The following TTLL12 variants were observed in gnomAD, a reference collection of about 807,000 sequenced individuals.
TTLL12 encodes tubulin--tyrosine ligase-like protein 12.
TTLL12 carries 77 observed loss-of-function variants against 79.6 expected under a neutral mutation model. The ratio of observed to expected loss-of-function variants is 0.97; its 90% CI spans 0.81 to 1.17. The LOEUF (loss-of-function observed/expected upper bound fraction) is 1.17. Among genes scored for constraint, TTLL12 ranks in the 50% most tolerant of loss-of-function variants. The pLI is 0.00. For missense variants in TTLL12, 969 were observed against 895.9 expected, an observed-to-expected ratio of 1.08 and a Z score of -1.04; for synonymous variants, 437 against 376.1, an observed-to-expected ratio of 1.16 and a Z score of -1.87.
chr22:43,186,895 C>T lies in TTLL12; in HGVS notation c.175G>A (p.Glu59Lys). Residue 59 changes from glutamate (E) to lysine (K), a missense_variant and splice_region_variant, in exon 1 of 14, where the codon GAG becomes AAG. Glu to Lys is a moderately conservative substitution (Grantham distance 56). Coordinates refer to ENST00000216129, the MANE Select transcript of TTLL12 (RefSeq NM_015140.4). ...GTGCCCGCCGCCCTTCCCCGCACCT[C>T]GTGCTCCAGCTTGTGCAGGAGGCGG... ...WGRLLHKLEH[E>K]VFDAGEVFGI... 3 of 1,302,412 alleles carry T rather than the reference C, an allele frequency of 2.3e-6. No homozygotes were observed. The highest frequency in any genetic ancestry group is 2.1e-5 in the South Asian group (1 of 48,058). 80.7% of individuals were successfully genotyped at this position (1,302,412 alleles called of 1,614,324 possible). A position where few individuals can be genotyped will look rare whatever the true frequency, so the allele number is the denominator to read the frequency against.
Position 43,169,509 on chromosome 22 carries a change from C to T in TTLL12, c.1635G>A (p.Thr545=), listed in dbSNP as rs199507307. 4.4e-5 allele frequency: 71 copies of T among 1,599,964 alleles called. No individual in the cohort carries two copies. The Admixed American group carries it at 5.6e-4, about 13-fold the overall frequency. ...FEKQYPEFPW[T]DVQAEIFRAF... ...GCAGGACAGGAATTACCTGGACGTC[C>T]GTCCAGGGAAATTCTGGGTATTGCT... is the stretch of plus-strand genomic sequence containing the variant. Residue 545 remains threonine (T), a synonymous_variant, in exon 12 of 14, where the codon ACG becomes ACA. Coordinates refer to ENST00000216129, the MANE Select transcript of TTLL12 (RefSeq NM_015140.4).
Position 43,176,306 on chromosome 22 carries a change from G to GGT in TTLL12, c.917+13_917+14insAC. 6.4e-7 allele frequency: 1 copy of GGT among 1,573,578 alleles called. No homozygotes were observed. Among genetic ancestry groups the GGT allele is most frequent in the Non-Finnish European group, 8.7e-7 (1 of 1,155,846 alleles). ...GACAAGTCCCAGCCCAAGCAGTGGG[G>GGT]GGGGGCTACGCACTTGAAGATGTGG... On this transcript the variant is annotated intron_variant, in intron 6 of 13. Coordinates refer to ENST00000216129, the MANE Select transcript of TTLL12 (RefSeq NM_015140.4).
rs1449955578 is a variant in TTLL12 at position 43,173,771 on chromosome 22, T to C, written c.1285A>G (p.Thr429Ala). ...CTGTGCAGGCTCTTGGTGACGTGGG[T>C]GTCCAGGCTGCGCGCCAGGTTCCAG... is the stretch of plus-strand genomic sequence containing the variant. The part of the protein sequence containing the change: ...KPWNLARSLD[T>A]HVTKSLHSII... The change falls in exon 9 of 14, where the codon ACC becomes GCC. Residue 429 changes from threonine to alanine, a missense_variant. Transcript: ENST00000216129. 1.9e-6 allele frequency: 3 copies of C among 1,604,818 alleles called. No individual in the cohort carries two copies. The highest frequency in any genetic ancestry group is 1.7e-6 in the Non-Finnish European group (2 of 1,179,904).
chr22:43,184,611 C>G (rs1932135726), intron 1 of TTLL12, among the ~76,000 whole-genome samples: 2 of 152,232 alleles, frequency 1.3e-5, no homozygotes, highest in South Asian at 4.1e-4. Flanking sequence ...GAGACAAGAG[C>G]CATCCAGTTC....
chr22:43,180,199 G>C (rs1932019872), intron 3 of TTLL12, among the ~76,000 whole-genome samples, 199 bp from the exon 4 acceptor site: 1 of 152,160 alleles, frequency 6.6e-6, no homozygotes, highest in African/African-American at 2.4e-5. Flanking sequence ...CACAGGCCTG[G>C]GTAACACAGC....
At position 43,185,976 on chromosome 22, in the gene TTLL12, A is replaced by C. The variant is rs1932173242; in HGVS notation, c.177+917T>G. ...GTGCCACTCACTGCACGTTTCCAGCAGGAAGGTTCCTAGTCCAATCAGGAT... is the reference window on the plus strand; with the variant it reads ...GTGCCACTCACTGCACGTTTCCAGCCGGAAGGTTCCTAGTCCAATCAGGAT... On this transcript the variant is annotated intron_variant, in intron 1 of 13. Transcript: ENST00000216129. 3.0e-6 allele frequency: 3 copies of C among 985,344 alleles called. No homozygotes were observed. The Admixed American group carries it at 1.8e-4, about 61-fold the overall frequency. The allele number at this position is 985,344 out of a possible 1,614,324, so 61.0% of individuals were successfully genotyped here. A position where few individuals can be genotyped will look rare whatever the true frequency, so the allele number is the denominator to read the frequency against.
At chr22:43,184,920 A>G (rs1421213804) in intron 1 of TTLL12, among the ~76,000 whole-genome samples, 1 of 152,166 alleles carries the variant, frequency 6.6e-6, no homozygotes, top group African/African-American at 2.4e-5. Flanking sequence ...TGCAGACAGA[A>G]GAGTAGACAT....
chr22:43,177,950 C>A (rs1388298857), intron 5 of TTLL12, among the ~76,000 whole-genome samples: 1 of 152,228 alleles, frequency 6.6e-6, no homozygotes, highest in Non-Finnish European at 1.5e-5. Context: ...TGGGAAAAAA[C>A]AAGGATGCGT....
intron 1 of TTLL12, among the ~76,000 whole-genome samples, chr22:43,183,639 T>G (rs2146625481): frequency 6.6e-6 from 1 of 152,164 alleles, no homozygotes; most frequent in East Asian, 1.9e-4. Flanking sequence ...CAGAGAAGCC[T>G]CCTCCAGCCC....
In TTLL12 at chr22:43,187,030, G is replaced by C. The variant is rs761172069; in HGVS notation, c.40C>G (p.Arg14Gly). 1.9e-5 allele frequency: 23 copies of C among 1,214,660 alleles called. No homozygotes were observed. Among genetic ancestry groups the C allele is most frequent in the Non-Finnish European group, 2.2e-5 (21 of 975,530 alleles). 75.2% of individuals were successfully genotyped at this position (1,214,660 alleles called of 1,614,324 possible). A position where few individuals can be genotyped will look rare whatever the true frequency, so the allele number is the denominator to read the frequency against. The change falls in exon 1 of 14, where the codon CGT becomes GGT. Residue 14 changes from arginine to glycine, a missense_variant. Arg to Gly is a moderately radical substitution (Grantham distance 125). Transcript: ENST00000216129. ...ERGPERRPAE[R>G]SSPGQTPEEG... ...TCCGGCGTCTGGCCCGGGCTGCTACGCTCCGCAGGCCGGCGCTCGGGACCC... is the reference window on the plus strand; with the variant it reads ...TCCGGCGTCTGGCCCGGGCTGCTACCCTCCGCAGGCCGGCGCTCGGGACCC...
chr22:43,176,311 G>C lies in TTLL12; in HGVS notation c.917+9C>G. 3.2e-6 allele frequency: 5 copies of C among 1,577,620 alleles called. No homozygotes were observed. The highest frequency in any genetic ancestry group is 1.3e-5 in the African/African-American group (1 of 74,468). ...GTCCCAGCCCAAGCAGTGGGGGGGG[G>C]CTACGCACTTGAAGATGTGGCCGTG... On this transcript the variant is annotated intron_variant, in intron 6 of 13. Transcript: ENST00000216129.
In TTLL12 at chr22:43,168,884, A is replaced by G. The variant is rs1931688204; in HGVS notation, c.1673T>C (p.Leu558Pro). The change falls in exon 13 of 14, where the codon CTG (leucine) becomes CCG (proline). Residue 558 changes from leucine (L) to proline (P), a missense_variant. Physicochemically the swap from Leu to Pro is moderately conservative, Grantham distance 98. Transcript: ENST00000216129. The part of the protein sequence containing the change: ...QAEIFRAFTE[L>P]FQVACAKPPP... ...TGGCTTGGCACAGGCCACCTGGAAC[A>G]GCTCCGTGAAGGCCCGGAAGATCTC... The G allele has an allele frequency of 6.2e-7, 1 of 1,611,342 alleles. No homozygotes were observed. The highest frequency in any genetic ancestry group is 2.2e-5 in the East Asian group (1 of 44,792).
chr22:43,182,512 G>C (rs1322617418), intron 2 of TTLL12, among the ~76,000 whole-genome samples: 1 of 152,192 alleles, frequency 6.6e-6, no homozygotes, highest in Non-Finnish European at 1.5e-5. Context: ...GGAAGCCTGG[G>C]GTACAGTCTC....
At chr22:43,169,045 C>T (rs1246014885) in intron 12 of TTLL12, 133 bp from the exon 13 acceptor site, 1 of 1,199,740 alleles carries the variant, frequency 8.3e-7, no homozygotes, top group East Asian at 2.6e-5. Context: ...GTCTCTAGAC[C>T]TCACCATGGC....
At chr22:43,178,473 C>G (rs916346366) in intron 5 of TTLL12, among the ~76,000 whole-genome samples, 3 of 152,124 alleles carry the variant, frequency 2.0e-5, no homozygotes, top group Non-Finnish European at 4.4e-5. Flanking sequence ...AGGTGCCCGC[C>G]ACCACGCCCA....
At chr22:43,172,315 T>C (rs575306943) in intron 10 of TTLL12, 88 bp downstream of exon 10, 10 of 1,527,784 alleles carry the variant, frequency 6.5e-6, no homozygotes, top group Non-Finnish European at 9.0e-6. Flanking sequence ...CAACATTTTC[T>C]GATTCCAAAA....
At position 43,187,082 on chromosome 22, in the gene TTLL12, C is replaced by CGCGCCGACTCCA. The variant is rs1001943288; in HGVS notation, c.-25_-14dup. On this transcript the variant is annotated 5_prime_UTR_variant, in exon 1 of 14. Transcript: ENST00000216129. ...GCTCGGCCTCCATGGCGCCAGCACCCGCGCCGACTCCAGCGCCGCCACCGC... is the reference window on the plus strand; with the variant it reads ...GCTCGGCCTCCATGGCGCCAGCACCCGCGCCGACTCCAGCGCCGACTCCAGCGCCGCCACCGC... 27 of 1,143,272 alleles carry CGCGCCGACTCCA rather than the reference C, an allele frequency of 2.4e-5. No individual in the cohort carries two copies. The highest frequency in any genetic ancestry group is 2.9e-5 in the Non-Finnish European group (27 of 936,624). The allele number at this position is 1,143,272 out of a possible 1,614,324, so 70.8% of individuals were successfully genotyped here.
rs531049775 is a variant in TTLL12 at position 43,183,005 on chromosome 22, C to T, written c.322G>A (p.Gly108Arg). ...CYKVIVTRES[G>R]LQAAHPNSIF... ...CTGTTGGGGTGGGCTGCCTGGAGCC[C>T]GCTCTCCCTGGTCACGATGACCTTG... The change falls in exon 2 of 14, where the codon GGG becomes AGG. Residue 108 changes from glycine (G) to arginine (R), a missense_variant. Gly to Arg is a moderately radical substitution (Grantham distance 125). Coordinates refer to ENST00000216129, the MANE Select transcript of TTLL12 (RefSeq NM_015140.4). 57 of 1,613,814 alleles carry T rather than the reference C, an allele frequency of 3.5e-5. No homozygotes were observed. The Admixed American group carries it at 7.7e-4, about 22-fold the overall frequency.
intron 6 of TTLL12, 104 bp downstream of exon 6, chr22:43,176,216 G>A (rs143950954): frequency 1.3e-4 from 112 of 839,322 alleles, no homozygotes; most frequent in East Asian, 8.8e-4. Context: ...GACTTGCTGC[G>A]TGCCACGTGC....
Sources: allele counts gnomAD v4.1 joint callset (sites outside exome capture counted in the v4.1 genomes callset), GRCh38; gene constraint gnomAD v4.1.1; transcripts MANE v1.5; gene names NCBI Gene and HGNC (gene_info 2026-07-23, HGNC 2026-07-21).